Variants in OSBPL6 observed in about 807,000 individuals in gnomAD.
OSBPL6 encodes oxysterol-binding protein-related protein 6.
In OSBPL6, 49 loss-of-function variants were observed where a neutral mutation model predicts 125.8. The ratio of observed to expected loss-of-function variants is 0.39; its 90% CI spans 0.31 to 0.49. The LOEUF (loss-of-function observed/expected upper bound fraction) is 0.49. Ranked by LOEUF, OSBPL6 falls within the 20% of genes least tolerant of loss-of-function variation. The pLI, the probability that OSBPL6 is intolerant of heterozygous loss-of-function variation, is 0.88. For missense variants in OSBPL6, 986 were observed against 1,135.4 expected (o/e 0.87, Z 1.89); for synonymous variants, 394 against 391.8 (o/e 1.01, Z -0.07).
chr2:178,210,016 C>T (rs138787106), intron 1 of OSBPL6, among the ~76,000 whole-genome samples: 1 of 148,590 alleles, frequency 6.7e-6, no homozygotes, highest in African/African-American at 2.6e-5. Flanking sequence ...ATTTATTTAT[C>T]TATTTATTTA....
At chr2:178,266,980 G>C (rs1308304638) in intron 1 of OSBPL6, among the ~76,000 whole-genome samples, 1 of 152,318 alleles carries the variant, frequency 6.6e-6, no homozygotes, top group East Asian at 1.9e-4. Context: ...GATGGTGTCA[G>C]TGGGGTCTTG....
At chr2:178,340,717 A>C (rs1273723830) in intron 11 of OSBPL6, among the ~76,000 whole-genome samples, 2 of 152,192 alleles carry the variant, frequency 1.3e-5, no homozygotes, top group Admixed American at 6.5e-5. Flanking sequence ...GGTAGAAAGA[A>C]GTACTTTTCA....
intron 5 of OSBPL6, 35 bp downstream of exon 5, chr2:178,328,413 T>G: frequency 6.3e-7 from 1 of 1,598,126 alleles, no homozygotes. Context: ...TCAGACCATC[T>G]TCATAAATAA....
At chr2:178,315,941 T>A (rs1284320303) in intron 3 of OSBPL6, among the ~76,000 whole-genome samples, 1 of 152,174 alleles carries the variant, frequency 6.6e-6, no homozygotes, top group African/African-American at 2.4e-5. Flanking sequence ...GGACCATAGG[T>A]CTACAAAACT....
At position 178,338,986 on chromosome 2, in the gene OSBPL6, AT is replaced by A; in HGVS notation, c.791-3del. On this transcript the variant is annotated splice_region_variant and splice_polypyrimidine_tract_variant and intron_variant, in intron 9 of 24. Transcript: ENST00000190611. ...AACGTATTTTTATTTCTGATTTCTT[AT>A]TAGATCTTGCACATTGCCAGTCAAA... 1 of 1,603,174 alleles carries A rather than the reference AT, an allele frequency of 6.2e-7. No homozygotes were observed. The highest frequency in any genetic ancestry group is 8.5e-7 in the Non-Finnish European group (1 of 1,173,352).
chr2:178,219,294 A>G (rs1441505622), intron 1 of OSBPL6, among the ~76,000 whole-genome samples: 1 of 152,220 alleles, frequency 6.6e-6, no homozygotes, highest in Admixed American at 6.5e-5. Flanking sequence ...AGGTATTTCT[A>G]TCCCCATTTT....
chr2:178,231,400 C>G (rs537682007), intron 1 of OSBPL6, among the ~76,000 whole-genome samples: 8 of 152,134 alleles, frequency 5.3e-5, no homozygotes, highest in Non-Finnish European at 2.9e-5. Flanking sequence ...TAGTATATTA[C>G]TATGGGCACA....
intron 1 of OSBPL6, among the ~76,000 whole-genome samples, chr2:178,223,262 AT>A (rs1445410137): frequency 6.6e-6 from 1 of 152,064 alleles, no homozygotes; most frequent in Non-Finnish European, 1.5e-5. Context: ...CAGATAGAGC[AT>A]TTTTCTGTAT....
intron 3 of OSBPL6, chr2:178,320,468 T>G: frequency 4.0e-6 from 6 of 1,504,178 alleles, no homozygotes; most frequent in Non-Finnish European, 3.6e-6. Flanking sequence ...AATTAACTTA[T>G]AATTTTAGCA....
In OSBPL6 at chr2:178,252,857, T is replaced by C. The variant is rs1017342146; in HGVS notation, c.-350-32070T>C. On this transcript the variant is annotated intron_variant, in intron 1 of 24. Transcript: ENST00000190611. Reference sequence around the variant, plus strand: ...TATTTGGGATCTTCCACTAAAATAGTATGATCTTTTGGCAAGTAATACGTT... The same window carrying C: ...TATTTGGGATCTTCCACTAAAATAGCATGATCTTTTGGCAAGTAATACGTT... Among the ~76,000 whole-genome samples the C allele has an allele frequency of 2.0e-5, 3 of 152,096 alleles. 1 individual carries two copies. The highest frequency in any genetic ancestry group is 7.3e-5 in the African/African-American group (3 of 41,360).
At position 178,397,439 on chromosome 2, in the gene OSBPL6, T is replaced by C. The variant is rs1329754173; in HGVS notation, c.*1880T>C. 6.6e-6 allele frequency: 1 copy of C among 152,250 alleles called. No individual in the cohort carries two copies. Among genetic ancestry groups the C allele is most frequent in the African/African-American group, 2.4e-5 (1 of 41,468 alleles). The allele number at this position is 152,250 out of a possible 1,614,324, so 9.4% of individuals were successfully genotyped here. On this transcript the variant is annotated 3_prime_UTR_variant, in exon 25 of 25. Transcript: ENST00000190611. Reference sequence around the variant, plus strand: ...ATCTTCCCCTTGATATTGATTCTTTTTCTGCTCATTCATCTTGATGTTCTT... The same window carrying C: ...ATCTTCCCCTTGATATTGATTCTTTCTCTGCTCATTCATCTTGATGTTCTT...
intron 13 of OSBPL6, among the ~76,000 whole-genome samples, chr2:178,369,768 A>AT (rs1693203600): frequency 6.6e-6 from 1 of 152,194 alleles, no homozygotes; most frequent in African/African-American, 2.4e-5. Flanking sequence ...TAAGAATTTA[A>AT]TTTTTTTAAA....
At chr2:178,208,778 T>G (rs1481804998) in intron 1 of OSBPL6, among the ~76,000 whole-genome samples, 1 of 151,742 alleles carries the variant, frequency 6.6e-6, no homozygotes, top group African/African-American at 2.4e-5. Flanking sequence ...CCTTCCATCC[T>G]TCCTTCCTTC....
intron 12 of OSBPL6, among the ~76,000 whole-genome samples, chr2:178,352,130 A>G (rs1326764136): frequency 6.6e-6 from 1 of 152,234 alleles, no homozygotes; most frequent in Non-Finnish European, 1.5e-5. Context: ...CCAAGATGGC[A>G]GAATAGGAAC....
chr2:178,383,967 G>T, intron 17 of OSBPL6, 72 bp from the exon 18 acceptor site: 1 of 1,528,166 alleles, frequency 6.5e-7, no homozygotes, highest in South Asian at 1.2e-5. Flanking sequence ...GTAAAATCTA[G>T]AGGGATGAGG....
At chr2:178,244,773 G>GA (rs146354973) in intron 1 of OSBPL6, among the ~76,000 whole-genome samples, 5 of 152,058 alleles carry the variant, frequency 3.3e-5, no homozygotes, top group Admixed American at 3.3e-4. Context: ...CCTTCAAATG[G>GA]AAAAAAGCAC....
intron 21 of OSBPL6, among the ~76,000 whole-genome samples, chr2:178,390,194 T>C (rs1314244347): frequency 6.6e-6 from 1 of 152,244 alleles, no homozygotes. Context: ...GCTCTATTTC[T>C]TTGCCTTGAC....
chr2:178,312,986 C>T (rs1217600550), intron 3 of OSBPL6, among the ~76,000 whole-genome samples: 2 of 151,940 alleles, frequency 1.3e-5, no homozygotes, highest in Non-Finnish European at 2.9e-5. Flanking sequence ...ACCTCCGCCA[C>T]CCAGGTTCAA....
chr2:178,319,143 A>G (rs1339723080), intron 3 of OSBPL6, among the ~76,000 whole-genome samples: 1 of 152,204 alleles, frequency 6.6e-6, no homozygotes, highest in African/African-American at 2.4e-5. Flanking sequence ...TTTTGTCTGC[A>G]CCATACACCA....
Sources: gnomAD v4.1 joint callset for allele counts (sites outside exome capture counted in the v4.1 genomes callset) on GRCh38, gnomAD v4.1.1 for gene constraint, MANE v1.5 for transcripts, NCBI Gene and HGNC (gene_info 2026-07-23, HGNC 2026-07-21) for gene names.